CDCA3: variants seen among roughly 807,000 people sequenced by gnomAD.
The protein encoded by CDCA3 is cell division cycle associated 3.
A neutral mutation model predicts 29.1 loss-of-function variants in CDCA3; 16 were observed. The observed-to-expected ratio is 0.55, with a 90% CI of 0.37 to 0.83. The LOEUF is 0.83. Ranked by LOEUF, CDCA3 falls within the 40% of genes least tolerant of loss-of-function variation. CDCA3 has a pLI of 0.00. For synonymous variants in CDCA3, 88 were observed against 124.5 expected, an observed-to-expected ratio of 0.71 and a Z score of 1.95; for missense variants, 291 against 327.2, an observed-to-expected ratio of 0.89 and a Z score of 0.85.
At chr12:6,848,742 CAG>C (rs1174797594), downstream of CDCA3, 1 of 383,198 alleles carries the variant, frequency 2.6e-6, no homozygotes, top group Admixed American at 4.4e-5. Context: ...AAAGAAGGCT[CAG>C]AGCATCAGTG....
At chr12:6,846,552 G>C, downstream of CDCA3, 1 of 413,204 alleles carries the variant, frequency 2.4e-6, no homozygotes, top group East Asian at 3.8e-5. Flanking sequence ...CAGTCTCTTA[G>C]CCTTCTTCAG....
Position 6,850,307 on chromosome 12 carries a change from C to T in CDCA3, c.250+160G>A, listed in dbSNP as rs1325153244. 22 of 994,482 alleles carry T rather than the reference C, an allele frequency of 2.2e-5. No homozygotes were observed. Among genetic ancestry groups the T allele is most frequent in the Non-Finnish European group, 1.0e-5 (7 of 671,768 alleles). The allele number at this position is 994,482 out of a possible 1,614,324, so 61.6% of individuals were successfully genotyped here. On this transcript the variant is annotated intron_variant, in intron 3 of 5. Transcript: ENST00000538862. The surrounding 1 kb of genome is among the most constrained non-coding windows in gnomAD (Gnocchi z 4.7). Reference sequence around the variant, plus strand: ...TGCTGGGATTACAGGCATGAGCCACCGCACCCAGGCTGGGAACAAAATATT... The same window carrying T: ...TGCTGGGATTACAGGCATGAGCCACTGCACCCAGGCTGGGAACAAAATATT...
chr12:6,844,940 ACACAATACTACAG>A (rs1555124244), downstream of CDCA3: 1 of 152,216 alleles, frequency 6.6e-6, no homozygotes, highest in Admixed American at 6.5e-5. Flanking sequence ...CTCAACATTG[ACACAATACTACAG>A]TCTACAGTCT....
chr12:6,851,171 T>G, intron 1 of CDCA3, 51 bp downstream of exon 1: 1 of 1,376,472 alleles, frequency 7.3e-7, no homozygotes, highest in Non-Finnish European at 9.4e-7. Context: ...TGGCTCGTTC[T>G]GGGCCTGCTG....
In CDCA3 at chr12:6,849,402, T is replaced by C. The variant is rs1726268752; in HGVS notation, c.572A>G (p.Asn191Ser). The stretch of plus-strand genomic sequence containing the variant: ...GGATCTCCCTAGTACCTTGCTGCTG[T>C]TTGGTTTCCATCTATTGCGCATAGA... Reference protein sequence around the residue: ...SGSMRNRWKPNSSKVLGRSPL... With the variant: ...SGSMRNRWKPSSSKVLGRSPL... Residue 191 changes from asparagine to serine, a missense_variant, in exon 5 of 6, where the codon AAC (asparagine) becomes AGC (serine). Coordinates refer to ENST00000538862, the MANE Select transcript of CDCA3 (RefSeq NM_031299.7). This position sits in a 1 kb window ranked among gnomAD's most constrained non-coding sequence, Gnocchi z 5.2. The C allele has an allele frequency of 6.2e-7, 1 of 1,600,916 alleles. No individual in the cohort carries two copies. The highest frequency in any genetic ancestry group is 1.7e-5 in the Admixed American group (1 of 58,002).
At chr12:6,845,858 C>A, downstream of CDCA3, 1 of 1,235,286 alleles carries the variant, frequency 8.1e-7, no homozygotes. Flanking sequence ...CCCCAGCCCT[C>A]CCTCCCCATT....
downstream of CDCA3, chr12:6,846,954 C>T (rs1555124900): frequency 2.5e-5 from 24 of 955,874 alleles, 1 homozygote; most frequent in Admixed American, 2.0e-4. Flanking sequence ...GCCCCCTGCC[C>T]GACCCCATCT....
At chr12:6,846,633 G>A (rs1038435085), downstream of CDCA3, 8 of 598,502 alleles carry the variant, frequency 1.3e-5, no homozygotes, top group African/African-American at 9.2e-5. Context: ...ACACACACAC[G>A]TACACACACC....
downstream of CDCA3, chr12:6,845,617 G>C (rs905833609): frequency 2.5e-6 from 4 of 1,612,714 alleles, no homozygotes; most frequent in Admixed American, 5.0e-5. Flanking sequence ...ATCTGCACGG[G>C]CTCGGATGAC....
rs2138004685 is a variant in CDCA3 at position 6,849,934 on chromosome 12, C to G, written c.251-76G>C. 1 of 1,230,152 alleles carries G rather than the reference C, an allele frequency of 8.1e-7. No homozygotes were observed. The highest frequency in any genetic ancestry group is 1.7e-5 in the South Asian group (1 of 57,936). 76.2% of individuals were successfully genotyped at this position (1,230,152 alleles called of 1,614,324 possible). A position where few individuals can be genotyped will look rare whatever the true frequency, so the allele number is the denominator to read the frequency against. On this transcript the variant is annotated intron_variant, in intron 3 of 5. Coordinates refer to ENST00000538862, the MANE Select transcript of CDCA3 (RefSeq NM_031299.7). This position sits in a 1 kb window ranked among gnomAD's most constrained non-coding sequence, Gnocchi z 5.2. The stretch of plus-strand genomic sequence containing the variant: ...GCAAGGAGCAAAACATACAGAAACC[C>G]AGGACTCATGCCCAGGAGGGTGAGC...
Position 6,850,642 on chromosome 12 carries a change from C to T in CDCA3, c.121-46G>A, listed in dbSNP as rs1555126240. ...AACAAGTCTGGGCCCTGACTCTTCTCTCCTCTCCTCCCCATATTCCAGGAA... is the reference window on the plus strand; with the variant it reads ...AACAAGTCTGGGCCCTGACTCTTCTTTCCTCTCCTCCCCATATTCCAGGAA... On this transcript the variant is annotated intron_variant, in intron 2 of 5. Coordinates refer to ENST00000538862, the MANE Select transcript of CDCA3 (RefSeq NM_031299.7). This position sits in a 1 kb window ranked among gnomAD's most constrained non-coding sequence, Gnocchi z 4.7. 1.9e-6 allele frequency: 3 copies of T among 1,612,490 alleles called. No homozygotes were observed. The highest frequency in any genetic ancestry group is 2.5e-6 in the Non-Finnish European group (3 of 1,178,856).
At chr12:6,845,566 C>T, downstream of CDCA3, 1 of 1,580,148 alleles carries the variant, frequency 6.3e-7, no homozygotes, top group Non-Finnish European at 8.6e-7. Flanking sequence ...CCCTGACCCA[C>T]TTGCCACCCG....
chr12:6,845,454 C>A, downstream of CDCA3: 1 of 652,746 alleles, frequency 1.5e-6, no homozygotes, highest in South Asian at 1.8e-5. Flanking sequence ...TCACCCCAAA[C>A]CAAGGGAGGG....
rs781909731 is a variant in CDCA3, at chr12:6,849,000, T to C, written c.*43A>G. 1.9e-5 allele frequency: 15 copies of C among 780,968 alleles called. 1 individual carries two copies. Among genetic ancestry groups the C allele is most frequent in the Non-Finnish European group, 3.1e-5 (13 of 424,624 alleles). 48.4% of individuals were successfully genotyped at this position (780,968 alleles called of 1,614,324 possible). Reference sequence around the variant, plus strand: ...AAGAAGGGGTGAGAGGACACAGATATCACCAGGCCCTGGGTGACTGCATTG... The same window carrying C: ...AAGAAGGGGTGAGAGGACACAGATACCACCAGGCCCTGGGTGACTGCATTG... On this transcript the variant is annotated 3_prime_UTR_variant, in exon 6 of 6. Coordinates refer to ENST00000538862, the MANE Select transcript of CDCA3 (RefSeq NM_031299.7).
chr12:6,846,990 C>A, downstream of CDCA3: 1 of 739,998 alleles, frequency 1.4e-6, no homozygotes. Context: ...TTCTATATTC[C>A]GGGTGCCATT....
In CDCA3 at chr12:6,850,668, G is replaced by A; in HGVS notation, c.121-72C>T. 1 of 1,607,182 alleles carries A rather than the reference G, an allele frequency of 6.2e-7. No individual in the cohort carries two copies. The highest frequency in any genetic ancestry group is 2.2e-5 in the East Asian group (1 of 44,764). On this transcript the variant is annotated intron_variant, in intron 2 of 5. Transcript: ENST00000538862. The surrounding 1 kb of genome is among the most constrained non-coding windows in gnomAD (Gnocchi z 4.7). ...TCCTCTCCTCCCCATATTCCAGGAA[G>A]GAATTGCCAAGGCCCTCAGATATCC...
chr12:6,847,409 C>T (rs1208769738), downstream of CDCA3: 1 of 157,006 alleles, frequency 6.4e-6, no homozygotes, highest in African/African-American at 2.4e-5. Context: ...GTGATGTTTG[C>T]CTTCTACTCT....
rs113507914 is a variant in CDCA3 at position 6,849,589 on chromosome 12, C to T, written c.520G>A (p.Asp174Asn). Reference protein sequence around the residue: ...ASQSSDKPSRDPETPRSSGSM... With the variant: ...ASQSSDKPSRNPETPRSSGSM... ...CCTGAAGATCTGGGAGTCTCAGGGT[C>T]CCTTGAGGGCTTGTCGGAGCTCTGG... is the stretch of plus-strand genomic sequence containing the variant. Residue 174 changes from aspartate to asparagine, a missense_variant, in exon 4 of 6, where the codon GAC (aspartate) becomes AAC (asparagine). Transcript: ENST00000538862. The surrounding 1 kb of genome is among the most constrained non-coding windows in gnomAD (Gnocchi z 5.2). 1.1e-5 allele frequency: 17 copies of T among 1,611,558 alleles called. No individual in the cohort carries two copies. The African/African-American group carries it at 1.3e-4, about 13-fold the overall frequency.
At position 6,849,235 on chromosome 12, in the gene CDCA3, G is replaced by A. The variant is rs1742644629; in HGVS notation, c.652-37C>T. On this transcript the variant is annotated intron_variant, in intron 5 of 5. Coordinates refer to ENST00000538862, the MANE Select transcript of CDCA3 (RefSeq NM_031299.7). This position sits in a 1 kb window ranked among gnomAD's most constrained non-coding sequence, Gnocchi z 5.2. ...AGTGTATGAGTTGGGGGGAGTTGCT[G>A]TTCAGAAGAGGGAAGATCTGGGTAA... The A allele has an allele frequency of 1.2e-6, 2 of 1,612,682 alleles. No individual in the cohort carries two copies. Among genetic ancestry groups the A allele is most frequent in the Non-Finnish European group, 1.7e-6 (2 of 1,179,050 alleles).
Sources: allele counts gnomAD v4.1 joint callset, GRCh38; gene constraint gnomAD v4.1.1; non-coding constraint Gnocchi (gnomAD v3.1); transcripts MANE v1.5; gene names NCBI Gene and HGNC (gene_info 2026-07-23, HGNC 2026-07-21).